ATG4A: variants seen among roughly 807,000 people sequenced by gnomAD.
ATG4A encodes the protein autophagy related 4A cysteine peptidase.
Under a neutral mutation model 38.4 loss-of-function variants are expected in ATG4A, and 22 were observed. The ratio of observed to expected loss-of-function variants is 0.57; its 90% CI spans 0.41 to 0.82. The LOEUF is 0.82. Ranked by LOEUF, ATG4A falls within the 40% of genes least tolerant of loss-of-function variation. The pLI is 0.00. For missense variants in ATG4A, 220 were observed against 290.0 expected (o/e 0.76, Z 1.75); for synonymous variants, 86 against 100.7 (o/e 0.85, Z 0.88).
At chrX:108,151,913 T>C in intron 11 of ATG4A, 55 bp downstream of exon 11, 1 of 1,053,386 alleles carries the variant, frequency 9.5e-7, no homozygotes, top group South Asian at 2.3e-5. Flanking sequence ...ATTTTATTCC[T>C]TTTCAAGATT....
intron 4 of ATG4A, among the ~76,000 whole-genome samples, chrX:108,131,990 C>T (rs1365544247): frequency 9.0e-6 from 1 of 110,725 alleles, no homozygotes; most frequent in Non-Finnish European, 1.9e-5. Context: ...ACCTCTGACC[C>T]CCGGGTTCAA....
intron 2 of ATG4A, among the ~76,000 whole-genome samples, chrX:108,127,822 A>G (rs2032841494): frequency 8.9e-6 from 1 of 112,332 alleles, no homozygotes; most frequent in Non-Finnish European, 1.9e-5. Flanking sequence ...GAGAGAGGTG[A>G]CTAAGAAAGA....
intron 10 of ATG4A, 123 bp downstream of exon 10, chrX:108,150,420 A>C (rs1170124866): frequency 1.1e-6 from 1 of 924,473 alleles, no homozygotes; most frequent in African/African-American, 1.9e-5. Context: ...CATTAGAGGC[A>C]GTAGAGTGTA....
At chrX:108,110,972 C>T (rs184854641) in intron 1 of ATG4A, among the ~76,000 whole-genome samples, 32 of 111,823 alleles carry the variant, frequency 2.9e-4, no homozygotes, top group African/African-American at 3.6e-4. Context: ...GGCACCATCA[C>T]GGCTCACTGC....
chrX:108,103,832 T>C (rs1449500835), intron 1 of ATG4A, among the ~76,000 whole-genome samples: 4 of 112,688 alleles, frequency 3.5e-5, no homozygotes, highest in Non-Finnish European at 3.8e-5. Flanking sequence ...ATTAACATGT[T>C]TGTATAGTTA....
At chrX:108,123,223 G>A (rs1048143043) in intron 1 of ATG4A, among the ~76,000 whole-genome samples, 2 of 111,735 alleles carry the variant, frequency 1.8e-5, no homozygotes, top group Non-Finnish European at 3.8e-5. Context: ...ACTAATTCTT[G>A]GTCCACCAAG....
intron 9 of ATG4A, among the ~76,000 whole-genome samples, chrX:108,143,170 A>G (rs187050325): frequency 9.9e-4 from 111 of 112,642 alleles, no homozygotes; most frequent in Non-Finnish European, 6.6e-4. Context: ...GTACAAGTGT[A>G]TACATGCACA....
Position 108,150,157 on chromosome X carries a change from G to A in ATG4A, c.820G>A (p.Glu274Lys). 2 of 1,211,400 alleles carry A rather than the reference G, an allele frequency of 1.7e-6. No homozygotes were observed. Among genetic ancestry groups the A allele is most frequent in the Non-Finnish European group, 2.2e-6 (2 of 895,230 alleles). The change falls in exon 10 of 13, where the codon GAG becomes AAG. Residue 274 changes from glutamate to lysine, a missense_variant. Around this residue, in one of 3 missense-constraint regions of ATG4A, gnomAD observed 159 missense variants for 188.9 expected, o/e 0.84. Transcript: ENST00000372232. ...GCATATCTCCTTCAAAACAGGTGAC[G>A]AGCTCATCTTCTTGGACCCTCATAC... Reference protein sequence around the residue: ...AYYFIGFLGDELIFLDPHTTQ... With the variant: ...AYYFIGFLGDKLIFLDPHTTQ...
chrX:108,131,392 G>C, intron 4 of ATG4A, 34 bp downstream of exon 4: 1 of 1,147,114 alleles, frequency 8.7e-7, no homozygotes, highest in Non-Finnish European at 1.2e-6. Flanking sequence ...CTTTCTCAGA[G>C]ACCTCTGCAG....
chrX:108,152,008 G>A (rs1027975650), intron 11 of ATG4A, 150 bp downstream of exon 11: 13 of 530,002 alleles, frequency 2.5e-5, no homozygotes, highest in Non-Finnish European at 3.8e-5. Flanking sequence ...ACTATCAGGT[G>A]TGGGGAATTG....
chrX:108,124,273 C>T (rs922376258), intron 1 of ATG4A, among the ~76,000 whole-genome samples: 11 of 111,958 alleles, frequency 9.8e-5, no homozygotes, highest in Middle Eastern at 4.6e-3. Context: ...TGAATTTTCA[C>T]TGGGGAACAA....
rs1569311688 is a variant in ATG4A at position 108,141,060 on chromosome X, GTATA to G, written c.814+2876_814+2879del. Among the ~76,000 whole-genome samples the G allele has an allele frequency of 1.3e-4, 4 of 30,024 alleles. 1 individual carries two copies. The highest frequency in any genetic ancestry group is 2.3e-4 in the Non-Finnish European group (4 of 17,587). The allele number at this position is 30,024 out of a possible 115,157, so 26.1% of individuals were successfully genotyped here. A position where few individuals can be genotyped will look rare whatever the true frequency, so the allele number is the denominator to read the frequency against. Reference sequence around the variant, plus strand: ...TATACATATATATACATATATACGTGTATATATATACATATATATATATATATAT... The same window carrying G: ...TATACATATATATACATATATACGTGTATATACATATATATATATATATAT... On this transcript the variant is annotated intron_variant, in intron 9 of 12. Transcript: ENST00000372232.
intron 1 of ATG4A, among the ~76,000 whole-genome samples, chrX:108,121,834 T>C (rs970366977): frequency 1.8e-5 from 2 of 112,044 alleles, no homozygotes; most frequent in Admixed American, 1.9e-4. Flanking sequence ...ACTTAACACA[T>C]AGTAGGTATA....
intron 9 of ATG4A, chrX:108,143,797 C>G (rs901247651): frequency 2.8e-5 from 5 of 179,001 alleles, no homozygotes; most frequent in African/African-American, 1.6e-4. Context: ...GCCACTTCCA[C>G]TTCCACTCCT....
chrX:108,091,813 A>C lies in ATG4A; in HGVS notation c.-14A>C, dbSNP rs774416003. On this transcript the variant is annotated 5_prime_UTR_variant, in exon 1 of 13. It removes an upstream start codon present in the reference 5' UTR. Transcript: ENST00000372232. ...AAGTTGCCGGTGGAATTGGCCCAGGATGACAGCTGGAGAATGGAGTCAGGT... is the reference window on the plus strand; with the variant it reads ...AAGTTGCCGGTGGAATTGGCCCAGGCTGACAGCTGGAGAATGGAGTCAGGT... 12 of 1,211,569 alleles carry C rather than the reference A, an allele frequency of 9.9e-6. No individual in the cohort carries two copies. The highest frequency in any genetic ancestry group is 1.3e-5 in the Non-Finnish European group (12 of 895,437).
chrX:108,122,043 C>T (rs1330012901), intron 1 of ATG4A, among the ~76,000 whole-genome samples: 2 of 111,847 alleles, frequency 1.8e-5, no homozygotes, highest in Non-Finnish European at 3.8e-5. Context: ...TCTCAGACCC[C>T]TCCTGGCCCT....
chrX:108,103,944 T>G (rs1335326808), intron 1 of ATG4A, among the ~76,000 whole-genome samples: 1 of 111,732 alleles, frequency 8.9e-6, no homozygotes, highest in Admixed American at 9.4e-5. Context: ...CCTCCTGGGT[T>G]CAAGAAATTC....
chrX:108,113,295 A>G (rs779122760), intron 1 of ATG4A, among the ~76,000 whole-genome samples: 6 of 111,968 alleles, frequency 5.4e-5, no homozygotes, highest in Non-Finnish European at 1.1e-4. Context: ...AGTTGGTGAC[A>G]GGAAGCATTT....
chrX:108,115,034 T>C (rs745712767), intron 1 of ATG4A, among the ~76,000 whole-genome samples: 23 of 110,915 alleles, frequency 2.1e-4, no homozygotes, highest in Non-Finnish European at 4.1e-4. Context: ...AAAAATCTAA[T>C]AAATTAGCCT....
Sources: allele counts gnomAD v4.1 joint callset (sites outside exome capture counted in the v4.1 genomes callset), GRCh38; gene constraint gnomAD v4.1.1; regional missense constraint gnomAD v4.1.1; transcripts MANE v1.5; gene names NCBI Gene and HGNC (gene_info 2026-07-23, HGNC 2026-07-21).